RERG: variants seen among roughly 807,000 people sequenced by gnomAD.
The protein encoded by RERG is RAS like estrogen regulated growth inhibitor.
Under a neutral mutation model 23.2 loss-of-function variants are expected in RERG, and 25 were observed. That is an observed-to-expected ratio of 1.08 (90% CI 0.79 to 1.50). RERG has a LOEUF of 1.50. RERG is among the 40% of genes most tolerant of loss of function. RERG has a pLI of 0.00. For missense variants in RERG, 253 were observed against 250.1 expected, an observed-to-expected ratio of 1.01 and a Z score of -0.08; for synonymous variants, 81 against 89.1, an observed-to-expected ratio of 0.91 and a Z score of 0.51.
chr12:15,118,663 T>G (rs964319169), intron 3 of RERG, among the ~76,000 whole-genome samples: 1 of 151,432 alleles, frequency 6.6e-6, no homozygotes, highest in African/African-American at 2.4e-5. Context: ...GTCATCACAA[T>G]AGTGAGTTCT....
At chr12:15,134,274 G>A (rs1021413678) in intron 2 of RERG, among the ~76,000 whole-genome samples, 2 of 151,986 alleles carry the variant, frequency 1.3e-5, no homozygotes, top group African/African-American at 4.8e-5. Flanking sequence ...TTTTGTGACT[G>A]GCATAATATC....
chr12:15,158,612 TGACA>T (rs774610544), intron 2 of RERG, among the ~76,000 whole-genome samples: 4 of 152,282 alleles, frequency 2.6e-5, no homozygotes, highest in Non-Finnish European at 2.9e-5. Flanking sequence ...ATTTCATCTT[TGACA>T]TTTTTGCAGA....
intron 2 of RERG, among the ~76,000 whole-genome samples, chr12:15,126,795 G>A (rs1863954382): frequency 7.1e-6 from 1 of 140,744 alleles, no homozygotes; most frequent in African/African-American, 2.7e-5. Flanking sequence ...TCGGCTCACT[G>A]CAAGCTCTGC....
At chr12:15,171,326 C>A (rs1038626373) in intron 2 of RERG, among the ~76,000 whole-genome samples, 5 of 152,178 alleles carry the variant, frequency 3.3e-5, no homozygotes, top group Non-Finnish European at 7.4e-5. Context: ...AGACTTTGAA[C>A]AAATATTTTA....
chr12:15,113,080 C>T (rs2136083432), intron 3 of RERG, among the ~76,000 whole-genome samples: 1 of 152,320 alleles, frequency 6.6e-6, no homozygotes, highest in Non-Finnish European at 1.5e-5. Flanking sequence ...AATAACACTA[C>T]ATCAACATCA....
chr12:15,177,552 T>C (rs1002753853), intron 2 of RERG, among the ~76,000 whole-genome samples: 2 of 152,250 alleles, frequency 1.3e-5, no homozygotes, highest in Admixed American at 6.5e-5. Context: ...CATTGCTTAA[T>C]AGAATACCTC....
intron 2 of RERG, among the ~76,000 whole-genome samples, chr12:15,139,112 T>C (rs762302201): frequency 6.6e-5 from 10 of 151,270 alleles, no homozygotes; most frequent in Non-Finnish European, 1.5e-4. Flanking sequence ...TTGCCTTTGC[T>C]CCTTGGTAAA....
chr12:15,117,189 C>A (rs1863738323), intron 3 of RERG, among the ~76,000 whole-genome samples: 1 of 143,122 alleles, frequency 7.0e-6, no homozygotes, highest in African/African-American at 2.6e-5. Flanking sequence ...GACACTTAGC[C>A]AGCACAGTAA....
At chr12:15,190,717 A>G (rs1316219864) in intron 2 of RERG, among the ~76,000 whole-genome samples, 2 of 152,070 alleles carry the variant, frequency 1.3e-5, no homozygotes. Context: ...AGAAGGAAGA[A>G]CACAGTATCT....
intron 2 of RERG, among the ~76,000 whole-genome samples, chr12:15,197,158 C>T (rs550686680): frequency 6.6e-6 from 1 of 152,128 alleles, no homozygotes; most frequent in Non-Finnish European, 1.5e-5. Context: ...CACAAAAATG[C>T]CTGTTTTCTG....
intron 2 of RERG, among the ~76,000 whole-genome samples, chr12:15,145,624 G>C (rs899906262): frequency 2.0e-5 from 3 of 152,344 alleles, no homozygotes; most frequent in Admixed American, 1.3e-4. Context: ...CAGCAGGTGT[G>C]CTCAGGTGCC....
At chr12:15,110,602 C>T (rs773395417) in intron 4 of RERG, among the ~76,000 whole-genome samples, 1 of 151,464 alleles carries the variant, frequency 6.6e-6, no homozygotes, top group Non-Finnish European at 1.5e-5. Flanking sequence ...CCTCAGCCTC[C>T]CCAGCAGCTG....
chr12:15,120,527 A>C (rs1488555590), intron 3 of RERG, among the ~76,000 whole-genome samples: 1 of 151,948 alleles, frequency 6.6e-6, no homozygotes, highest in Non-Finnish European at 1.5e-5. Context: ...GTTTGCCTAC[A>C]TTTTATACAT....
intron 1 of RERG, among the ~76,000 whole-genome samples, chr12:15,219,387 A>G (rs1475975534): frequency 5.3e-5 from 8 of 152,252 alleles, no homozygotes; most frequent in Non-Finnish European, 1.0e-4. Flanking sequence ...TCAAAGTGCC[A>G]GAGCTTCCTC....
intron 2 of RERG, among the ~76,000 whole-genome samples, chr12:15,161,171 A>G (rs910845496): frequency 2.1e-5 from 3 of 143,434 alleles, no homozygotes; most frequent in East Asian, 2.1e-4. Context: ...AGAAAGAAAG[A>G]AAGAAAGAAA....
chr12:15,152,448 T>C (rs1864458770), intron 2 of RERG, among the ~76,000 whole-genome samples: 1 of 152,136 alleles, frequency 6.6e-6, no homozygotes, highest in African/African-American at 2.4e-5. Flanking sequence ...AGAAACAATA[T>C]GGAAAAAACT....
chr12:15,142,808 T>C (rs1351001955), intron 2 of RERG, among the ~76,000 whole-genome samples: 1 of 152,170 alleles, frequency 6.6e-6, no homozygotes, highest in Admixed American at 6.5e-5. Flanking sequence ...TCTTTATACA[T>C]ACTTTCTGAA....
At chr12:15,185,365 A>G (rs1864975598) in intron 2 of RERG, among the ~76,000 whole-genome samples, 1 of 152,126 alleles carries the variant, frequency 6.6e-6, no homozygotes, top group African/African-American at 2.4e-5. Context: ...CTGAGAATCA[A>G]TGGACAGGGG....
chr12:15,134,071 T>A (rs1864101528), intron 2 of RERG, among the ~76,000 whole-genome samples: 1 of 147,930 alleles, frequency 6.8e-6, no homozygotes, highest in Non-Finnish European at 1.5e-5. Flanking sequence ...CTCTAGACAG[T>A]GTTTTTTTCA....
Sources: gnomAD v4.1 joint callset for allele counts (sites outside exome capture counted in the v4.1 genomes callset) on GRCh38, gnomAD v4.1.1 for gene constraint, MANE v1.5 for transcripts, NCBI Gene and HGNC (gene_info 2026-07-23, HGNC 2026-07-21) for gene names.